The following PIF1 variants were observed in gnomAD, a reference collection of about 807,000 sequenced individuals.
PIF1 encodes ATP-dependent DNA helicase PIF1.
A neutral mutation model predicts 62.3 loss-of-function variants in PIF1; 67 were observed. The ratio of observed to expected loss-of-function variants is 1.08; its 90% confidence interval spans 0.88 to 1.32. The LOEUF (loss-of-function observed/expected upper bound fraction) is 1.32, where lower values mean the gene tolerates loss of function less well. PIF1 is among the 40% of genes most tolerant of loss of function. PIF1 has a pLI of 0.00. For missense variants in PIF1, 886 were observed against 866.1 expected, an observed-to-expected ratio of 1.02 and a Z score of -0.29; for synonymous variants, 364 against 379.5, an observed-to-expected ratio of 0.96 and a Z score of 0.47.
chr15:64,816,812 C>T (rs753697909), intron 11 of PIF1, 47 bp from the exon 12 acceptor site: 2 of 1,517,874 alleles, frequency 1.3e-6, no homozygotes, highest in South Asian at 1.3e-5. Context: ...CCTTAAGTCC[C>T]TTGCCCCGAA....
chr15:64,820,893 A>T, intron 7 of PIF1, 89 bp downstream of exon 7: 2 of 1,187,030 alleles, frequency 1.7e-6, no homozygotes, highest in Non-Finnish European at 2.5e-6. Flanking sequence ...TAACAATTCT[A>T]CCCCTTCTGT....
At chr15:64,819,789 C>A (rs2084257416) in intron 8 of PIF1, 58 bp downstream of exon 8, 2 of 1,603,056 alleles carry the variant, frequency 1.2e-6, no homozygotes, top group East Asian at 4.5e-5. Flanking sequence ...TGCCTGGGGG[C>A]TACATCTGCT....
rs1183919077 is a variant in PIF1, at chr15:64,820,098, A to T, written c.1194-112T>A. ...ATGGGTCAGGCCTTGGGACTGGAAG[A>T]GGGCACCAGGGAAGAGTTGCTGCCC... On this transcript the variant is annotated intron_variant, in intron 7 of 12. Transcript: ENST00000559239. 22 of 1,352,172 alleles carry T rather than the reference A, an allele frequency of 1.6e-5. No homozygotes were observed. In the Admixed American group the frequency reaches 4.7e-4, roughly 29 times the overall value. 83.8% of individuals were successfully genotyped at this position (1,352,172 alleles called of 1,614,324 possible). A position where few individuals can be genotyped will look rare whatever the true frequency, so the allele number is the denominator to read the frequency against.
intron 9 of PIF1, chr15:64,818,770 G>A: frequency 6.5e-6 from 2 of 307,946 alleles, no homozygotes. Flanking sequence ...CCCCAACATT[G>A]AGGGAGGAAT....
chr15:64,821,313 C>G, intron 5 of PIF1, 32 bp from the exon 6 acceptor site: 1 of 1,614,110 alleles, frequency 6.2e-7, no homozygotes, highest in Non-Finnish European at 8.5e-7. Flanking sequence ...TTTAGGGGCA[C>G]ACAGAAGACC....
rs184599780 is a variant in PIF1 at position 64,824,105 on chromosome 15, G to C, written c.231C>G (p.Phe77Leu). Residue 77 changes from phenylalanine to leucine, a missense_variant, in exon 2 of 13, where the codon TTC becomes TTG. Physicochemically the swap from Phe to Leu is conservative, Grantham distance 22. Transcript: ENST00000559239. Reference protein sequence around the residue: ...RCFPLRAARLFTRFAEAGRST... With the variant: ...RCFPLRAARLLTRFAEAGRST... ...TGCGCCCGGCCTCGGCGAAACGCGT[G>C]AAGAGGCGCGCGGCGCGCAGAGGAA... 2,750 of 1,268,928 alleles carry C rather than the reference G, an allele frequency of 2.2e-3. 52 individuals are homozygous for C. The African/African-American group carries it at 0.039, about 18-fold the overall frequency. 78.6% of individuals were successfully genotyped at this position (1,268,928 alleles called of 1,614,324 possible).
Position 64,820,998 on chromosome 15 carries a change from C to T in PIF1, c.1177G>A (p.Ala393Thr), listed in dbSNP as rs1307619237. ...ADQTFISLLQ[A>T]VRLGRCSDEV... ...AGAGCTCACCTGCCTAGCCTCACGG[C>T]CTGCAGTAGAGAGATGAAGGTCTGG... Residue 393 changes from alanine (A) to threonine (T), a missense_variant, in exon 7 of 13, where the codon GCC becomes ACC. Ala to Thr is a moderately conservative substitution (Grantham distance 58). Coordinates refer to ENST00000559239, the MANE Select transcript of PIF1 (RefSeq NM_001286496.2). 1.2e-5 allele frequency: 19 copies of T among 1,614,098 alleles called. No homozygotes were observed. Among genetic ancestry groups the T allele is most frequent in the Middle Eastern group, 1.7e-4 (1 of 6,050 alleles).
At chr15:64,816,530 C>T (rs767181192) in intron 12 of PIF1, 44 bp downstream of exon 12, 30 of 1,606,436 alleles carry the variant, frequency 1.9e-5, no homozygotes, top group Non-Finnish European at 2.5e-5. Context: ...CTAGCTCCCA[C>T]CCTGCCCGTG....
In PIF1 at chr15:64,819,118, T is replaced by G; in HGVS notation, c.1439A>C (p.Gln480Pro). The change falls in exon 9 of 13, where the codon CAG becomes CCG. Residue 480 changes from glutamine to proline, a missense_variant and splice_region_variant. Physicochemically the swap from Gln to Pro is moderately conservative, Grantham distance 76. Transcript: ENST00000559239. ...GGCTAGGCCCTGCTTCCCACTCACCTGGGCCCCCAGCTTTAGTTGAAGGAG... is the reference window on the plus strand; with the variant it reads ...GGCTAGGCCCTGCTTCCCACTCACCGGGGCCCCCAGCTTTAGTTGAAGGAG... The part of the protein sequence containing the change: ...SQLLQLKLGA[Q>P]VMLVKNLSVS... 6.3e-7 allele frequency: 1 copy of G among 1,585,514 alleles called. No individual in the cohort carries two copies. Among genetic ancestry groups the G allele is most frequent in the Non-Finnish European group, 8.5e-7 (1 of 1,171,672 alleles).
chr15:64,821,906 A>G, intron 4 of PIF1: 2 of 277,432 alleles, frequency 7.2e-6, no homozygotes, highest in Non-Finnish European at 1.4e-5. Flanking sequence ...TGCCTGGCTA[A>G]TTTTTTTGTA....
chr15:64,819,344 T>C (rs1274469772), intron 8 of PIF1, 121 bp from the exon 9 acceptor site: 1 of 713,896 alleles, frequency 1.4e-6, no homozygotes, highest in Non-Finnish European at 2.3e-6. Flanking sequence ...GGAGTTTCGC[T>C]CTGTTGCCCA....
Position 64,822,293 on chromosome 15 carries a change from C to T in PIF1, c.790G>A (p.Gly264Arg), listed in dbSNP as rs371843652. 4.5e-5 allele frequency: 73 copies of T among 1,613,786 alleles called. No individual in the cohort carries two copies. In the Middle Eastern group the frequency reaches 4.9e-4, roughly 11 times the overall value. The change falls in exon 4 of 13, where the codon GGG (glycine) becomes AGG (arginine). Residue 264 changes from glycine to arginine, a missense_variant. By Grantham distance (125) the Gly-to-Arg change is moderately radical. Transcript: ENST00000559239. ...GCAAAGGCATGGAGGGTGGTGCCCC[C>T]GATGTGGCAGGCTGCCACCCCAGTG... ...ASTGVAACHI[G>R]GTTLHAFAGI...
In PIF1 at chr15:64,820,989, GC is replaced by G. The variant is rs1456473583; in HGVS notation, c.1185del (p.Arg395SerfsTer2). On this transcript the variant is annotated frameshift_variant, in exon 7 of 13. Transcript: ENST00000559239. LOFTEE classifies it high-confidence loss of function. ...QTFISLLQAV[R>X]LGRCSDEVTR... Reference sequence around the variant, plus strand: ...CCAACCAGCAGAGCTCACCTGCCTAGCCTCACGGCCTGCAGTAGAGAGATGA... The same window carrying G: ...CCAACCAGCAGAGCTCACCTGCCTAGCTCACGGCCTGCAGTAGAGAGATGA... The G allele has an allele frequency of 6.2e-7, 1 of 1,613,834 alleles. No individual in the cohort carries two copies. Among genetic ancestry groups the G allele is most frequent in the Non-Finnish European group, 8.5e-7 (1 of 1,179,842 alleles).
At position 64,821,424 on chromosome 15, in the gene PIF1, A is replaced by G. The variant is rs1256995862; in HGVS notation, c.914T>C (p.Ile305Thr). 4 of 1,614,154 alleles carry G rather than the reference A, an allele frequency of 2.5e-6. No homozygotes were observed. The highest frequency in any genetic ancestry group is 2.2e-5 in the South Asian group (2 of 91,084). ...QGWLNCQRLV[I>T]DEISMVEADL... ...TGCCTCCACCATTGAGATCTCGTCA[A>G]TGACCAACCGCTGGCAGTTCAGCCA... Residue 305 changes from isoleucine to threonine, a missense_variant, in exon 5 of 13, where the codon ATT (isoleucine) becomes ACT (threonine). Transcript: ENST00000559239.
chr15:64,821,187 G>C lies in PIF1; in HGVS notation c.1066C>G (p.Pro356Ala). The C allele has an allele frequency of 6.2e-7, 1 of 1,614,208 alleles. No homozygotes were observed. ...AATACCTGGAAGCAGAACCGTGGGG[G>C]CTGGGAGCCCTTGGTCACAGGTGGC... ...QLPPVTKGSQPPRFCFQSKSW... is the reference protein window; with the variant it reads ...QLPPVTKGSQAPRFCFQSKSW... Residue 356 changes from proline to alanine, a missense_variant, in exon 6 of 13, where the codon CCC becomes GCC. By Grantham distance (27) the Pro-to-Ala change is conservative (BLOSUM62 -1). Coordinates refer to ENST00000559239, the MANE Select transcript of PIF1 (RefSeq NM_001286496.2).
chr15:64,818,081 C>T lies in PIF1; in HGVS notation c.1539G>A (p.Gln513=). Residue 513 remains glutamine, a synonymous_variant, in exon 11 of 13, where the codon CAG becomes CAA. Coordinates refer to ENST00000559239, the MANE Select transcript of PIF1 (RefSeq NM_001286496.2). The stretch of plus-strand genomic sequence containing the variant: ...CAGTGACTCCACACAGGAACCGCAC[C>T]TGGGGTAGCCCTAAGGAGAGCATGG... ...GFEAEGRGLP[Q]VRFLCGVTEV... 6.2e-7 allele frequency: 1 copy of T among 1,613,946 alleles called. No homozygotes were observed. The highest frequency in any genetic ancestry group is 8.5e-7 in the Non-Finnish European group (1 of 1,179,962).
intron 4 of PIF1, 46 bp from the exon 5 acceptor site, chr15:64,821,566 T>A: frequency 1.5e-3 from 54 of 36,786 alleles, no homozygotes; most frequent in African/African-American, 4.2e-3. Flanking sequence ...AAAGCCTCTC[T>A]TTTTTTTTTT....
At position 64,824,282 on chromosome 15, in the gene PIF1, C is replaced by T. The variant is rs1477978915; in HGVS notation, c.54G>A (p.Arg18=). 2 of 1,271,656 alleles carry T rather than the reference C, an allele frequency of 1.6e-6. No individual in the cohort carries two copies. Among genetic ancestry groups the T allele is most frequent in the African/African-American group, 3.1e-5 (2 of 64,808 alleles). 78.8% of individuals were successfully genotyped at this position (1,271,656 alleles called of 1,614,324 possible). A position where few individuals can be genotyped will look rare whatever the true frequency, so the allele number is the denominator to read the frequency against. ...TCAGCTCCTCCACAGCCACGCGGCA[C>T]CGCAGCTCCGAGTCCTCATATTCCC... ...AAGEYEDSEL[R]CRVAVEELSP... Residue 18 remains arginine, a synonymous_variant, in exon 2 of 13, where the codon CGG becomes CGA. Transcript: ENST00000559239.
At position 64,821,523 on chromosome 15, in the gene PIF1, G is replaced by T; in HGVS notation, c.818-3C>A. On this transcript the variant is annotated splice_region_variant and splice_polypyrimidine_tract_variant and intron_variant, in intron 4 of 12. Coordinates refer to ENST00000559239, the MANE Select transcript of PIF1 (RefSeq NM_001286496.2). ...AGGAGCCTGGCCTGAGCCGATGCCT[G>T]TGAGTGACACTATTCAGCCTGGGCT... 3 of 1,591,474 alleles carry T rather than the reference G, an allele frequency of 1.9e-6. No individual in the cohort carries two copies. Among genetic ancestry groups the T allele is most frequent in the Non-Finnish European group, 2.6e-6 (3 of 1,169,048 alleles).
Sources: allele counts gnomAD v4.1 joint callset, GRCh38; gene constraint gnomAD v4.1.1; transcripts MANE v1.5; gene names NCBI Gene and HGNC (gene_info 2026-07-23, HGNC 2026-07-21).